Variants in SSPN observed in about 807,000 individuals in gnomAD.
SSPN encodes K-ras oncogene-associated protein.
A neutral mutation model predicts 19.1 loss-of-function variants in SSPN; 15 were observed. The ratio of observed to expected loss-of-function variants is 0.78; its 90% CI spans 0.52 to 1.21. SSPN has a LOEUF of 1.21. Among genes scored for constraint, SSPN ranks in the 50% most tolerant of loss-of-function variants. The pLI, the probability that SSPN is intolerant of heterozygous loss-of-function variation, is 0.00. For synonymous variants in SSPN, 147 were observed against 140.3 expected (o/e 1.05, Z -0.34); for missense variants, 291 against 314.0 (o/e 0.93, Z 0.55).
intron 1 of SSPN, among the ~76,000 whole-genome samples, chr12:26,185,361 A>C (rs10842688): frequency 0.4 from 61,325 of 152,046 alleles, 15,030 homozygotes; most frequent in Admixed American, 0.56. Context: ...GAAGATTGCA[A>C]ATGATTGACA....
chr12:26,182,551 C>T (rs1258708716), intron 1 of SSPN, among the ~76,000 whole-genome samples: 1 of 151,388 alleles, frequency 6.6e-6, no homozygotes, highest in Non-Finnish European at 1.5e-5. Context: ...AGTTTGGTAT[C>T]TGGACCCCGT....
intron 1 of SSPN, among the ~76,000 whole-genome samples, chr12:26,131,791 A>G (rs1944398608): frequency 6.6e-6 from 1 of 152,234 alleles, no homozygotes; most frequent in Non-Finnish European, 1.5e-5. Flanking sequence ...CTCAATTCTT[A>G]GAACTAGGCA....
chr12:26,170,194 A>G (rs1314302405), intron 1 of SSPN, among the ~76,000 whole-genome samples: 1 of 152,246 alleles, frequency 6.6e-6, no homozygotes, highest in African/African-American at 2.4e-5. Context: ...CTATAGTGAA[A>G]TTAAAAACCT....
chr12:26,128,361 G>A (rs1052279471), intron 1 of SSPN, among the ~76,000 whole-genome samples: 1 of 152,230 alleles, frequency 6.6e-6, no homozygotes. Flanking sequence ...TGCCATGTCA[G>A]TGAGTCATTC....
At chr12:26,200,372 C>G (rs981884909) in intron 1 of SSPN, among the ~76,000 whole-genome samples, 4 of 152,142 alleles carry the variant, frequency 2.6e-5, no homozygotes, top group African/African-American at 9.7e-5. Context: ...CTAAGAAATT[C>G]AAGTTGCAGG....
chr12:26,230,672 T>C, intron 2 of SSPN, 39 bp from the exon 3 acceptor site: 1 of 1,557,338 alleles, frequency 6.4e-7, no homozygotes, highest in Non-Finnish European at 8.7e-7. Context: ...CATCCAATGT[T>C]CTTTGTAACC....
chr12:26,175,807 A>C (rs1031269753), intron 1 of SSPN, among the ~76,000 whole-genome samples: 11 of 151,138 alleles, frequency 7.3e-5, no homozygotes, highest in African/African-American at 9.7e-5. Context: ...TAAAAAGCAA[A>C]TTCAATTCCG....
At chr12:26,122,282 C>CGCGGCG (rs909227356) in intron 1 of SSPN, 30 of 1,202,362 alleles carry the variant, frequency 2.5e-5, no homozygotes, top group South Asian at 8.3e-5. Context: ...GGCAGGGGAA[C>CGCGGCG]GCGGCGGCGG....
At chr12:26,124,088 T>G (rs1259604715) in intron 1 of SSPN, 1 of 1,607,946 alleles carries the variant, frequency 6.2e-7, no homozygotes, top group African/African-American at 1.3e-5. Flanking sequence ...TTTCAGATGT[T>G]CAGGCAGTAA....
At chr12:26,202,263 C>T (rs1944893498) in intron 1 of SSPN, among the ~76,000 whole-genome samples, 1 of 152,012 alleles carries the variant, frequency 6.6e-6, no homozygotes, top group Non-Finnish European at 1.5e-5. Flanking sequence ...GATATGGAAC[C>T]CATTGATACA....
intron 1 of SSPN, among the ~76,000 whole-genome samples, chr12:26,222,241 C>A (rs979106541): frequency 2.6e-5 from 4 of 152,128 alleles, no homozygotes; most frequent in Non-Finnish European, 5.9e-5. Context: ...TGATGGAAAA[C>A]CCTGGAAACA....
In SSPN at chr12:26,233,152, G is replaced by A. The variant is rs539974177; in HGVS notation, c.*2076G>A. 1 of 152,064 alleles carries A rather than the reference G, an allele frequency of 6.6e-6. No homozygotes were observed. The highest frequency in any genetic ancestry group is 2.1e-4 in the South Asian group (1 of 4,826). The allele number at this position is 152,064 out of a possible 1,614,324, so 9.4% of individuals were successfully genotyped here. On this transcript the variant is annotated 3_prime_UTR_variant, in exon 3 of 3. Transcript: ENST00000242729. The surrounding 1 kb of genome is among the most constrained non-coding windows in gnomAD (Gnocchi z 4.3). Reference sequence around the variant, plus strand: ...CAACATTTTATAGTGAACACTACAAGTTTTTATATTTAAAAATTAAGACTC... The same window carrying A: ...CAACATTTTATAGTGAACACTACAAATTTTTATATTTAAAAATTAAGACTC...
At chr12:26,176,775 T>C (rs574938606) in intron 1 of SSPN, among the ~76,000 whole-genome samples, 1 of 152,342 alleles carries the variant, frequency 6.6e-6, no homozygotes. Flanking sequence ...CAGTTTTCTT[T>C]CTTCTCTCAT....
At chr12:26,220,888 A>G (rs1441910386) in intron 1 of SSPN, among the ~76,000 whole-genome samples, 1 of 152,054 alleles carries the variant, frequency 6.6e-6, no homozygotes, top group African/African-American at 2.4e-5. Context: ...CCCACTCCCT[A>G]TCCCTACCTC....
intron 1 of SSPN, among the ~76,000 whole-genome samples, chr12:26,143,772 C>T (rs1222573744): frequency 6.6e-6 from 1 of 152,176 alleles, no homozygotes; most frequent in Admixed American, 6.5e-5. Flanking sequence ...AGGAGGTGGG[C>T]GGTGGACATG....
At chr12:26,158,720 C>T (rs1332663315) in intron 1 of SSPN, among the ~76,000 whole-genome samples, 1 of 152,248 alleles carries the variant, frequency 6.6e-6, no homozygotes, top group African/African-American at 2.4e-5. Flanking sequence ...GCAGCAGACC[C>T]CTGGAACCCC....
chr12:26,168,153 C>T (rs144414887), intron 1 of SSPN, among the ~76,000 whole-genome samples: 2 of 147,752 alleles, frequency 1.4e-5, no homozygotes, highest in East Asian at 4.0e-4. Flanking sequence ...GTTGAGTCTG[C>T]AGTGAGCTGT....
At chr12:26,183,003 T>C (rs1944729895) in intron 1 of SSPN, among the ~76,000 whole-genome samples, 1 of 152,168 alleles carries the variant, frequency 6.6e-6, no homozygotes, top group Non-Finnish European at 1.5e-5. Context: ...TGACCCCAAG[T>C]GATCCGCCTG....
chr12:26,179,064 C>A (rs1944702353), intron 1 of SSPN, among the ~76,000 whole-genome samples: 1 of 152,048 alleles, frequency 6.6e-6, no homozygotes, highest in African/African-American at 2.4e-5. Flanking sequence ...AAAGTTGAAG[C>A]CCTGGGAAAG....
Sources: gnomAD v4.1 joint callset for allele counts (sites outside exome capture counted in the v4.1 genomes callset) on GRCh38, gnomAD v4.1.1 for gene constraint, Gnocchi (gnomAD v3.1) non-coding constraint, MANE v1.5 for transcripts, NCBI Gene and HGNC (gene_info 2026-07-23, HGNC 2026-07-21) for gene names.